Variants in COL19A1 observed in about 807,000 individuals in gnomAD.
COL19A1 encodes collagen type XIX alpha 1 chain, also known as collagen alpha-1(XIX) chain.
A neutral mutation model predicts 190.2 loss-of-function variants in COL19A1; 159 were observed. That is an observed-to-expected ratio of 0.84 (90% CI 0.73 to 0.95). COL19A1 has a LOEUF of 0.95. COL19A1 is among the 40% of genes least tolerant of loss of function. The pLI is 0.00. For missense variants in COL19A1, 1,418 were observed against 1,431.9 expected, an observed-to-expected ratio of 0.99 and a Z score of 0.16; for synonymous variants, 509 against 458.9, an observed-to-expected ratio of 1.11 and a Z score of -1.39.
chr6:69,889,513 A>G (rs1288425699), intron 2 of COL19A1, among the ~76,000 whole-genome samples: 1 of 152,212 alleles, frequency 6.6e-6, no homozygotes, highest in Non-Finnish European at 1.5e-5. Context: ...TGATAAATGC[A>G]CCAATCAGCA....
intron 17 of COL19A1, among the ~76,000 whole-genome samples, chr6:70,127,610 C>T (rs186315895): frequency 5.9e-5 from 9 of 152,218 alleles, no homozygotes; most frequent in Admixed American, 4.6e-4. Context: ...AAAAGGAAAA[C>T]GTTTCATGGA....
chr6:70,065,583 G>A (rs1046906887), intron 14 of COL19A1, among the ~76,000 whole-genome samples: 7 of 152,208 alleles, frequency 4.6e-5, no homozygotes, highest in East Asian at 1.9e-4. Flanking sequence ...AAAAGCAATG[G>A]CAACAAAAGC....
At chr6:70,139,610 G>A (rs181054062) in intron 19 of COL19A1, among the ~76,000 whole-genome samples, 1 of 152,132 alleles carries the variant, frequency 6.6e-6, no homozygotes, top group Non-Finnish European at 1.5e-5. Context: ...AGAACAGGAT[G>A]TAGACTTTAC....
At position 70,209,258 on chromosome 6, in the gene COL19A1, G is replaced by C. The variant is rs1054849835; in HGVS notation, c.*1984G>C. On this transcript the variant is annotated 3_prime_UTR_variant, in exon 51 of 51. Coordinates refer to ENST00000620364, the MANE Select transcript of COL19A1 (RefSeq NM_001858.6). ...ATCTGCCACTCATATTAATTTACTT[G>C]AATTTGTCATAAAGCTAAATATTTT... is the stretch of plus-strand genomic sequence containing the variant. The C allele has an allele frequency of 1.8e-4, 28 of 152,186 alleles. No individual in the cohort carries two copies. The highest frequency in any genetic ancestry group is 6.8e-4 in the African/African-American group (28 of 41,274). The allele number at this position is 152,186 out of a possible 1,614,324, so 9.4% of individuals were successfully genotyped here.
At chr6:69,975,263 A>G (rs1775652772) in intron 11 of COL19A1, among the ~76,000 whole-genome samples, 2 of 152,172 alleles carry the variant, frequency 1.3e-5, no homozygotes, top group Admixed American at 1.3e-4. Flanking sequence ...TCATCTTGTA[A>G]TGTTATAACT....
intron 2 of COL19A1, among the ~76,000 whole-genome samples, chr6:69,888,519 A>G (rs537470823): frequency 2.6e-5 from 4 of 152,198 alleles, no homozygotes; most frequent in East Asian, 1.9e-4. Context: ...GAAAAAAAAA[A>G]AGAGAGAGCA....
intron 11 of COL19A1, among the ~76,000 whole-genome samples, chr6:69,988,041 A>G (rs946678087): frequency 1.4e-4 from 22 of 152,304 alleles, no homozygotes; most frequent in Admixed American, 1.2e-3. Context: ...AAGACTCAAA[A>G]ATGGTTCACT....
chr6:70,122,215 T>C (rs974362193), intron 17 of COL19A1, among the ~76,000 whole-genome samples: 7 of 152,212 alleles, frequency 4.6e-5, no homozygotes, highest in Non-Finnish European at 1.0e-4. Flanking sequence ...CCACCATCAA[T>C]AATATCATAG....
At chr6:70,035,101 T>G (rs3805991) in intron 13 of COL19A1, among the ~76,000 whole-genome samples, 4 of 151,994 alleles carry the variant, frequency 2.6e-5, no homozygotes, top group African/African-American at 9.7e-5. Flanking sequence ...AAGATACTCA[T>G]TGTGAGACTA....
intron 2 of COL19A1, among the ~76,000 whole-genome samples, chr6:69,897,822 C>G (rs1769895153): frequency 6.6e-6 from 1 of 152,078 alleles, no homozygotes; most frequent in Non-Finnish European, 1.5e-5. Flanking sequence ...TCTAAAAGTA[C>G]TCAGTGCTAT....
intron 16 of COL19A1, among the ~76,000 whole-genome samples, chr6:70,109,234 C>T (rs920761564): frequency 2.6e-5 from 4 of 152,074 alleles, no homozygotes; most frequent in African/African-American, 9.7e-5. Context: ...TCATTACCAT[C>T]TAATTGAGGT....
Position 69,929,445 on chromosome 6 carries a change from T to C in COL19A1, c.411T>C (p.Gly137=), listed in dbSNP as rs775367050. The change falls in exon 6 of 51, where the codon GGT becomes GGC. Residue 137 remains glycine (G), a synonymous_variant. Coordinates refer to ENST00000620364, the MANE Select transcript of COL19A1 (RefSeq NM_001858.6). ...TGCAGATTTCTATAGTAGTTGATGGTGGAAAGAAGGTGGTGGAATTTATGT... is the reference window on the plus strand; with the variant it reads ...TGCAGATTTCTATAGTAGTTGATGGCGGAAAGAAGGTGGTGGAATTTATGT... ...NIPQISIVVD[G]GKKVVEFMFQ... 4.3e-6 allele frequency: 7 copies of C among 1,613,790 alleles called. No individual in the cohort carries two copies. The highest frequency in any genetic ancestry group is 2.7e-5 in the African/African-American group (2 of 75,000).
intron 27 of COL19A1, among the ~76,000 whole-genome samples, chr6:70,149,021 G>A (rs1786861524): frequency 6.6e-6 from 1 of 151,876 alleles, no homozygotes; most frequent in Non-Finnish European, 1.5e-5. Flanking sequence ...GGAGGAAAAA[G>A]TAGCTTTGGC....
chr6:70,020,981 G>A (rs951097669), intron 11 of COL19A1, among the ~76,000 whole-genome samples: 2 of 151,848 alleles, frequency 1.3e-5, no homozygotes, highest in Non-Finnish European at 2.9e-5. Context: ...TACCCTGAAG[G>A]GCATTTTAAG....
intron 2 of COL19A1, among the ~76,000 whole-genome samples, chr6:69,880,737 A>C (rs890208507): frequency 6.6e-6 from 1 of 152,196 alleles, no homozygotes; most frequent in Non-Finnish European, 1.5e-5. Context: ...TGGCTGTCAT[A>C]CAATTTGGGG....
At chr6:70,129,260 T>G (rs1785378743) in intron 17 of COL19A1, among the ~76,000 whole-genome samples, 1 of 152,188 alleles carries the variant, frequency 6.6e-6, no homozygotes, top group Non-Finnish European at 1.5e-5. Flanking sequence ...TGGGGAACTA[T>G]ATGCTCTTTG....
chr6:69,898,956 T>C lies in COL19A1; in HGVS notation c.100T>C (p.Cys34Arg). 1 of 1,607,546 alleles carries C rather than the reference T, an allele frequency of 6.2e-7. No individual in the cohort carries two copies. The highest frequency in any genetic ancestry group is 1.1e-5 in the South Asian group (1 of 90,632). ...TTTTTCTTTTTAAATAGAAGAGTCA[T>C]GCCCTATCCTGAGAATAGAGGGACA... ...VTVRDKTEES[C>R]PILRIEGHQL... The change falls in exon 3 of 51, where the codon TGC (cysteine) becomes CGC (arginine). Residue 34 changes from cysteine to arginine, a missense_variant. By Grantham distance (180) the Cys-to-Arg change is radical. Coordinates refer to ENST00000620364, the MANE Select transcript of COL19A1 (RefSeq NM_001858.6).
chr6:69,938,049 A>G lies in COL19A1; in HGVS notation c.885A>G (p.Gly295=). The change falls in exon 9 of 51, where the codon GGA becomes GGG. Residue 295 remains glycine (G), a synonymous_variant. Transcript: ENST00000620364. The part of the protein sequence containing the change: ...CQCIPNKGEA[G]LPGAPGSPGQ... Reference sequence around the variant, plus strand: ...GCATTTTTGCTCAGGGAGAAGCAGGATTACCAGGAGCTCCGGGTTCACCTG... The same window carrying G: ...GCATTTTTGCTCAGGGAGAAGCAGGGTTACCAGGAGCTCCGGGTTCACCTG... The G allele has an allele frequency of 6.2e-7, 1 of 1,612,768 alleles. No homozygotes were observed. The highest frequency in any genetic ancestry group is 8.5e-7 in the Non-Finnish European group (1 of 1,179,150).
chr6:69,928,081 G>C (rs1156938589), intron 5 of COL19A1, 49 bp downstream of exon 5: 1 of 1,590,356 alleles, frequency 6.3e-7, no homozygotes, highest in Non-Finnish European at 8.6e-7. Context: ...GTGTAATTAA[G>C]CCAGGTGAAT....
Sources: gnomAD v4.1 joint callset for allele counts (sites outside exome capture counted in the v4.1 genomes callset) on GRCh38, gnomAD v4.1.1 for gene constraint, MANE v1.5 for transcripts, NCBI Gene and HGNC (gene_info 2026-07-23, HGNC 2026-07-21) for gene names.